The following DCAF13 variants were observed in gnomAD, a reference collection of about 807,000 sequenced individuals.
DCAF13 encodes DDB1- and CUL4-associated factor 13.
In DCAF13, 38 loss-of-function variants were observed where a neutral mutation model predicts 59.0. That is an observed-to-expected ratio of 0.64 (90% CI 0.50 to 0.84). The LOEUF is 0.84. Ranked by LOEUF, DCAF13 falls within the 40% of genes least tolerant of loss-of-function variation. The pLI is 0.00. For missense variants in DCAF13, 469 were observed against 558.4 expected (o/e 0.84, Z 1.61); for synonymous variants, 173 against 175.0 (o/e 0.99, Z 0.09).
intron 3 of DCAF13, among the ~76,000 whole-genome samples, chr8:103,422,729 A>G (rs1816737924): frequency 6.6e-6 from 1 of 152,200 alleles, no homozygotes; most frequent in Admixed American, 6.5e-5. Flanking sequence ...ACATGCGCTA[A>G]TCAGTCAAAT....
At chr8:103,440,745 A>T (rs983099630) in intron 9 of DCAF13, 2 of 152,348 alleles carry the variant, frequency 1.3e-5, no homozygotes, top group African/African-American at 4.8e-5. Context: ...TCCATGAAAA[A>T]ATAGCAGGTG....
chr8:103,418,565 A>G (rs1816660369), intron 1 of DCAF13, among the ~76,000 whole-genome samples: 1 of 151,792 alleles, frequency 6.6e-6, no homozygotes, highest in South Asian at 2.1e-4. Flanking sequence ...ACAAAAAACT[A>G]GAAATAGAGA....
rs113065425 is a variant in DCAF13, at chr8:103,426,335, GT to G, written c.468+204del. On this transcript the variant is annotated intron_variant, in intron 4 of 10. Coordinates refer to ENST00000612750, the MANE Select transcript of DCAF13 (RefSeq NM_015420.7). ...CCTTTGATGCTAAAGAATTTTAACA[GT>G]TTTTTTTTTTTTTGGTATTCATTGT... Among the ~76,000 whole-genome samples the G allele has an allele frequency of 7.4e-4, 108 of 145,284 alleles. 1 individual carries two copies. The highest frequency in any genetic ancestry group is 8.5e-4 in the Non-Finnish European group (56 of 65,608).
chr8:103,424,473 G>T (rs1816763717), intron 3 of DCAF13, among the ~76,000 whole-genome samples: 2 of 152,194 alleles, frequency 1.3e-5, no homozygotes, highest in Non-Finnish European at 2.9e-5. Flanking sequence ...ACTTCACTAA[G>T]ATATACCAGT....
intron 7 of DCAF13, among the ~76,000 whole-genome samples, 159 bp downstream of exon 7, chr8:103,432,900 C>T (rs1270893074): frequency 6.6e-6 from 1 of 152,124 alleles, no homozygotes; most frequent in South Asian, 2.1e-4. Context: ...TGGAGAAGAA[C>T]TTCTTAGAAA....
At chr8:103,439,383 C>CTTTTTTTTTTTTTTTTTT (rs34676422) in intron 8 of DCAF13, 1 of 85,790 alleles carries the variant, frequency 1.2e-5, no homozygotes, top group East Asian at 3.7e-4. Flanking sequence ...TTTAATTAAG[C>CTTTTTTTTTTTTTTTTTT]TTTTTTTTTT....
chr8:103,415,572 C>T (rs1399744827), intron 1 of DCAF13, 56 bp downstream of exon 1: 9 of 1,525,102 alleles, frequency 5.9e-6, no homozygotes, highest in East Asian at 4.5e-5. Flanking sequence ...TGGGTCTAGC[C>T]TCGGCTTTCG....
At chr8:103,433,845 T>C (rs1586132700) in intron 7 of DCAF13, among the ~76,000 whole-genome samples, 1 of 151,974 alleles carries the variant, frequency 6.6e-6, no homozygotes, top group Non-Finnish European at 1.5e-5. Flanking sequence ...TTAACCTTTA[T>C]TGATGTTTTG....
At chr8:103,438,677 G>C (rs1363559428) in intron 8 of DCAF13, among the ~76,000 whole-genome samples, 1 of 152,172 alleles carries the variant, frequency 6.6e-6, no homozygotes, top group Non-Finnish European at 1.5e-5. Context: ...TTATAGGCAT[G>C]AGCCACTGCA....
At chr8:103,429,669 C>CCTAA (rs1248471059) in intron 5 of DCAF13, 2 of 150,596 alleles carry the variant, frequency 1.3e-5, no homozygotes, top group African/African-American at 4.9e-5. Context: ...AAAAGACAGG[C>CCTAA]CTAATTTATA....
intron 8 of DCAF13, among the ~76,000 whole-genome samples, chr8:103,436,710 A>G (rs1816939114): frequency 6.6e-6 from 1 of 152,162 alleles, no homozygotes; most frequent in African/African-American, 2.4e-5. Flanking sequence ...TCCTGTATAG[A>G]TACAGCCCCC....
intron 1 of DCAF13, among the ~76,000 whole-genome samples, chr8:103,419,402 T>G (rs1586125579): frequency 6.6e-6 from 1 of 152,318 alleles, no homozygotes; most frequent in East Asian, 1.9e-4. Context: ...GGTTAAGGTT[T>G]TTGGAACAGC....
intron 4 of DCAF13, among the ~76,000 whole-genome samples, chr8:103,426,831 A>T (rs184783228): frequency 6.6e-6 from 1 of 152,216 alleles, no homozygotes; most frequent in East Asian, 1.9e-4. Flanking sequence ...TCTTAAAGGG[A>T]TAGGGGAATG....
intron 8 of DCAF13, among the ~76,000 whole-genome samples, chr8:103,438,924 T>G (rs776182266): frequency 6.6e-6 from 1 of 152,230 alleles, no homozygotes; most frequent in Non-Finnish European, 1.5e-5. Flanking sequence ...CTTACTAATA[T>G]AGTATCACCT....
At chr8:103,424,358 T>TC (rs1816762600) in intron 3 of DCAF13, among the ~76,000 whole-genome samples, 1 of 152,220 alleles carries the variant, frequency 6.6e-6, no homozygotes, top group Non-Finnish European at 1.5e-5. Context: ...GTGTGCTTTG[T>TC]CAGAGATAAG....
At chr8:103,434,141 T>A (rs1264264368) in intron 7 of DCAF13, among the ~76,000 whole-genome samples, 1 of 152,064 alleles carries the variant, frequency 6.6e-6, no homozygotes, top group African/African-American at 2.4e-5. Context: ...TTTGTAAGTA[T>A]TTTTTTCTTT....
chr8:103,439,930 T>C (rs1044989093), intron 8 of DCAF13: 4 of 339,338 alleles, frequency 1.2e-5, no homozygotes, highest in African/African-American at 8.4e-5. Flanking sequence ...TAGTAAGTTC[T>C]CTGAGAGCAG....
chr8:103,432,858 T>A, intron 7 of DCAF13, 117 bp downstream of exon 7: 1 of 570,684 alleles, frequency 1.8e-6, no homozygotes, highest in South Asian at 2.8e-5. Flanking sequence ...TTGAAAACTG[T>A]CATCTGTTTA....
At chr8:103,416,822 T>C (rs1816623734) in intron 1 of DCAF13, among the ~76,000 whole-genome samples, 1 of 152,216 alleles carries the variant, frequency 6.6e-6, no homozygotes, top group African/African-American at 2.4e-5. Context: ...TAAAGATTCA[T>C]TTTTGCCTAC....
Sources: allele counts gnomAD v4.1 joint callset (sites outside exome capture counted in the v4.1 genomes callset), GRCh38; gene constraint gnomAD v4.1.1; transcripts MANE v1.5; gene names NCBI Gene and HGNC (gene_info 2026-07-23, HGNC 2026-07-21).